DNAH6: variants seen among roughly 807,000 people sequenced by gnomAD.
DNAH6 encodes dynein axonemal heavy chain 6, also known as axonemal beta dynein heavy chain 6.
DNAH6 carries 340 observed loss-of-function variants against 491.4 expected under a neutral mutation model. The observed-to-expected ratio is 0.69, with a 90% CI of 0.63 to 0.76. DNAH6 has a LOEUF of 0.76. Ranked by LOEUF, DNAH6 falls within the 30% of genes least tolerant of loss-of-function variation. DNAH6 has a pLI of 0.00. For missense variants in DNAH6, 4,443 were observed against 4,972.2 expected (o/e 0.89, Z 3.20); for synonymous variants, 1,603 against 1,686.1 (o/e 0.95, Z 1.21).
chr2:84,463,010 A>T, the DNAH6 span, among the ~76,000 whole-genome samples: 18 of 152,198 alleles, frequency 1.2e-4, no homozygotes, highest in African/African-American at 4.3e-4. Context: ...GGAAGGCAGG[A>T]AGAGTTACAA....
At chr2:84,772,889 C>T (rs1354377550) in intron 64 of DNAH6, among the ~76,000 whole-genome samples, 4 of 151,882 alleles carry the variant, frequency 2.6e-5, no homozygotes, top group Non-Finnish European at 4.4e-5. Context: ...ATAGTTTATA[C>T]GTCAGGCCAC....
Position 84,607,049 on chromosome 2 carries a change from G to A in DNAH6, c.3248G>A (p.Arg1083Gln), listed in dbSNP as rs1239194324. The A allele has an allele frequency of 2.4e-5, 37 of 1,551,226 alleles. No individual in the cohort carries two copies. Among genetic ancestry groups the A allele is most frequent in the Middle Eastern group, 3.3e-4 (2 of 6,012 alleles). Reference sequence around the variant, plus strand: ...CGTTACCTTGGTCCACTGAAAACTCGAGTGGATGAATGGCAAAAACAACTT... The same window carrying A: ...CGTTACCTTGGTCCACTGAAAACTCAAGTGGATGAATGGCAAAAACAACTT... Reference protein sequence around the residue: ...SSRYLGPLKTRVDEWQKQLAL... With the variant: ...SSRYLGPLKTQVDEWQKQLAL... Residue 1083 changes from arginine (R) to glutamine (Q), a missense_variant, in exon 21 of 77, where the codon CGA becomes CAA. Physicochemically the swap from Arg to Gln is conservative, Grantham distance 43 (BLOSUM62 1). Transcript: ENST00000389394.
chr2:84,760,200 A>G (rs1674437716), intron 63 of DNAH6, among the ~76,000 whole-genome samples: 1 of 152,186 alleles, frequency 6.6e-6, no homozygotes, highest in African/African-American at 2.4e-5. Flanking sequence ...TAAGACCTGA[A>G]ACTATAAAAA....
rs1685569014 is a variant in DNAH6, at chr2:84,604,516, T to C, written c.3046T>C (p.Ser1016Pro). Residue 1016 changes from serine to proline, a missense_variant, in exon 19 of 77, where the codon TCT becomes CCT. Transcript: ENST00000389394. ...AATCCAGGACATATCTGGACAGGCT[T>C]CTGGAGAAGCTGCCTTAGAAGCAAT... Reference protein sequence around the residue: ...QEIQDISGQASGEAALEAILK... With the variant: ...QEIQDISGQAPGEAALEAILK... The C allele has an allele frequency of 2.6e-6, 4 of 1,551,706 alleles. No homozygotes were observed. The highest frequency in any genetic ancestry group is 3.3e-4 in the Middle Eastern group (2 of 5,992).
the DNAH6 span, among the ~76,000 whole-genome samples, chr2:84,463,121 A>T: frequency 6.6e-6 from 1 of 152,234 alleles, no homozygotes; most frequent in African/African-American, 2.4e-5. Flanking sequence ...AAGAGCCAGC[A>T]TTCCAAAGAG....
chr2:84,641,918 T>C, intron 32 of DNAH6, 29 bp from the exon 33 acceptor site: 3 of 1,513,994 alleles, frequency 2.0e-6, no homozygotes, highest in Non-Finnish European at 2.7e-6. Context: ...GTTCTTGTGA[T>C]ATTATCCGAA....
At chr2:84,603,227 AATGAGC>A (rs1161640768) in intron 18 of DNAH6, among the ~76,000 whole-genome samples, 1 of 151,892 alleles carries the variant, frequency 6.6e-6, no homozygotes, top group African/African-American at 2.4e-5. Context: ...TGTGCTTGGA[AATGAGC>A]ATGCCTCTTC....
chr2:84,701,147 C>G lies in DNAH6; in HGVS notation c.7869C>G (p.Val2623=). The G allele has an allele frequency of 1.9e-6, 3 of 1,551,734 alleles. No individual in the cohort carries two copies. Among genetic ancestry groups the G allele is most frequent in the Non-Finnish European group, 2.6e-6 (3 of 1,146,892 alleles). Residue 2623 remains valine (V), a synonymous_variant, in exon 49 of 77, where the codon GTC becomes GTG. Coordinates refer to ENST00000389394, the MANE Select transcript of DNAH6 (RefSeq NM_001370.2). ...LSVSKTFFSQ[V]DAGNEELKEK... is the part of the protein sequence containing the mutation. The stretch of plus-strand genomic sequence containing the variant: ...TGTCAAAGACATTTTTCTCACAAGT[C>G]GATGCTGGAAATGAAGAACTGAAAG...
At chr2:84,685,536 A>G (rs1694182270) in intron 43 of DNAH6, 64 bp downstream of exon 43, 43 of 1,037,110 alleles carry the variant, frequency 4.1e-5, no homozygotes, top group Non-Finnish European at 5.6e-5. Flanking sequence ...GGTTTCTACA[A>G]AGAACAATTA....
chr2:84,707,182 TC>T (rs1696549313), intron 53 of DNAH6, among the ~76,000 whole-genome samples, 163 bp downstream of exon 53: 1 of 152,220 alleles, frequency 6.6e-6, no homozygotes, highest in African/African-American at 2.4e-5. Context: ...ATATTCAACA[TC>T]CTGTACCTGA....
chr2:84,750,023 T>G (rs1411772918), intron 63 of DNAH6, among the ~76,000 whole-genome samples: 1 of 152,144 alleles, frequency 6.6e-6, no homozygotes, highest in Non-Finnish European at 1.5e-5. Context: ...TACATACTAT[T>G]AAATATACAC....
At chr2:84,573,214 C>G (rs1682068035) in intron 11 of DNAH6, among the ~76,000 whole-genome samples, 1 of 152,334 alleles carries the variant, frequency 6.6e-6, no homozygotes, top group Middle Eastern at 3.4e-3. Context: ...TGTTTCCTTT[C>G]AGTCACAGGA....
intron 64 of DNAH6, among the ~76,000 whole-genome samples, 156 bp from the exon 65 acceptor site, chr2:84,781,337 A>G (rs920878993): frequency 6.6e-6 from 1 of 152,226 alleles, no homozygotes; most frequent in Non-Finnish European, 1.5e-5. Context: ...ATTTTTAAAA[A>G]CAAGAAATAA....
At chr2:84,477,365 G>A in the DNAH6 span, among the ~76,000 whole-genome samples, 1 of 152,274 alleles carries the variant, frequency 6.6e-6, no homozygotes, top group South Asian at 2.1e-4. Context: ...CATTCCAGAG[G>A]ACATTATGTC....
At chr2:84,600,819 G>A (rs956109819) in intron 18 of DNAH6, among the ~76,000 whole-genome samples, 2 of 151,688 alleles carry the variant, frequency 1.3e-5, no homozygotes, top group Non-Finnish European at 2.9e-5. Flanking sequence ...TTCTTTGAAA[G>A]GAAGTTACTA....
intron 35 of DNAH6, 130 bp downstream of exon 35, chr2:84,654,912 T>A: frequency 1.0e-6 from 1 of 960,232 alleles, no homozygotes; most frequent in Non-Finnish European, 1.5e-6. Flanking sequence ...TACCTAGTCC[T>A]CCCTGTGAAT....
At chr2:84,557,412 C>T (rs555535300) in intron 10 of DNAH6, among the ~76,000 whole-genome samples, 48 of 150,878 alleles carry the variant, frequency 3.2e-4, no homozygotes, top group South Asian at 1.5e-3. Context: ...TTTGGGAGGC[C>T]GAGGCGGGTG....
chr2:84,475,769 C>A, the DNAH6 span, among the ~76,000 whole-genome samples: 1 of 152,158 alleles, frequency 6.6e-6, no homozygotes, highest in South Asian at 2.1e-4. Flanking sequence ...TCAGTTACGG[C>A]TTTATACACA....
At chr2:84,569,049 C>A (rs895114442) in intron 11 of DNAH6, among the ~76,000 whole-genome samples, 10 of 152,118 alleles carry the variant, frequency 6.6e-5, no homozygotes, top group Admixed American at 6.5e-4. Context: ...AATACGTTTT[C>A]AACAATACGT....
Sources: allele counts gnomAD v4.1 joint callset (sites outside exome capture counted in the v4.1 genomes callset), GRCh38; gene constraint gnomAD v4.1.1; transcripts MANE v1.5; gene names NCBI Gene and HGNC (gene_info 2026-07-23, HGNC 2026-07-21).